Variants in CNIH2 observed in about 807,000 individuals in gnomAD.
The protein encoded by CNIH2 is cornichon family AMPA receptor auxiliary protein 2.
CNIH2 carries 8 observed loss-of-function variants against 22.9 expected under a neutral mutation model. The observed-to-expected ratio is 0.35, with a 90% CI of 0.20 to 0.63. The LOEUF is 0.63. Ranked by LOEUF, CNIH2 falls within the 30% of genes least tolerant of loss-of-function variation. The pLI, the probability that CNIH2 is intolerant of heterozygous loss-of-function variation, is 0.72. For synonymous variants in CNIH2, 74 were observed against 78.2 expected, an observed-to-expected ratio of 0.95 and a Z score of 0.28; for missense variants, 105 against 206.2, an observed-to-expected ratio of 0.51 and a Z score of 3.01.
At chr11:66,281,547 T>G (rs1857258570) in intron 1 of CNIH2, 1 of 443,352 alleles carries the variant, frequency 2.3e-6, no homozygotes, top group Non-Finnish European at 4.6e-6. Context: ...TACTCTTCAA[T>G]GCCTCCCCCC....
chr11:66,278,675 C>A, intron 1 of CNIH2, 138 bp downstream of exon 1: 1 of 456,986 alleles, frequency 2.2e-6, no homozygotes, highest in South Asian at 3.5e-5. Flanking sequence ...CGGCTTCGCC[C>A]CCATTAACAC....
chr11:66,278,267 C>A lies in CNIH2; in HGVS notation c.-190C>A, dbSNP rs1180920683. On this transcript the variant is annotated 5_prime_UTR_variant, in exon 1 of 6. Coordinates refer to ENST00000311445, the MANE Select transcript of CNIH2 (RefSeq NM_182553.3). ...GGGCCCGGGCAGCCGGCAGCGGACG[C>A]GCCCCCCGAGCCCACCGGCCCGCGC... 2 of 147,362 alleles carry A rather than the reference C, an allele frequency of 1.4e-5. No individual in the cohort carries two copies. The highest frequency in any genetic ancestry group is 3.9e-4 in the East Asian group (2 of 5,140). The allele number at this position is 147,362 out of a possible 1,614,324, so 9.1% of individuals were successfully genotyped here.
intron 1 of CNIH2, chr11:66,281,526 C>G: frequency 2.2e-6 from 1 of 456,024 alleles, no homozygotes; most frequent in Non-Finnish European, 4.4e-6. Flanking sequence ...CCACCCCACT[C>G]TGCTGCTGTG....
At chr11:66,282,638 C>G (rs1857278076) in intron 2 of CNIH2, 95 bp from the exon 3 acceptor site, 1 of 1,437,040 alleles carries the variant, frequency 7.0e-7, no homozygotes. Flanking sequence ...AGAGATCGCT[C>G]TGGCGCCCCC....
intron 1 of CNIH2, among the ~76,000 whole-genome samples, chr11:66,280,388 T>C (rs539824076): frequency 6.6e-6 from 1 of 152,358 alleles, no homozygotes; most frequent in East Asian, 1.9e-4. Flanking sequence ...GCCGGCAAAG[T>C]GGACCTGTGC....
In CNIH2 at chr11:66,282,996, T is replaced by C. The variant is rs377680648; in HGVS notation, c.199-39T>C. ...TGTCCCCTTGAAGGCTGGTCTGTCA[T>C]AGCACCAGGCCGCTGACCTCTCACC... On this transcript the variant is annotated intron_variant, in intron 3 of 5. Transcript: ENST00000311445. 5 of 1,561,720 alleles carry C rather than the reference T, an allele frequency of 3.2e-6. No individual in the cohort carries two copies. In the South Asian group the frequency reaches 3.3e-5, roughly 10 times the overall value.
intron 3 of CNIH2, 100 bp from the exon 4 acceptor site, chr11:66,282,935 C>T (rs1019471818): frequency 8.9e-6 from 12 of 1,355,452 alleles, no homozygotes; most frequent in East Asian, 4.6e-5. Flanking sequence ...CCAGAGGTCA[C>T]GGTGGGTGGG....
At position 66,278,413 on chromosome 11, in the gene CNIH2, GC is replaced by G. The variant is rs1298233594; in HGVS notation, c.-40del. The G allele has an allele frequency of 2.1e-6, 2 of 967,352 alleles. No individual in the cohort carries two copies. Among genetic ancestry groups the G allele is most frequent in the African/African-American group, 1.8e-5 (1 of 56,142 alleles). 59.9% of individuals were successfully genotyped at this position (967,352 alleles called of 1,614,324 possible). On this transcript the variant is annotated 5_prime_UTR_variant, in exon 1 of 6. Transcript: ENST00000311445. Reference sequence around the variant, plus strand: ...CCGGGGGGCGTCCCCTTGCGCCCGGGCCCCGCGCTGGCGCCCCCCGGGCCGC... The same window carrying G: ...CCGGGGGGCGTCCCCTTGCGCCCGGGCCCGCGCTGGCGCCCCCCGGGCCGC...
At chr11:66,282,897 G>A in intron 3 of CNIH2, 117 bp downstream of exon 3, 2 of 1,415,692 alleles carry the variant, frequency 1.4e-6, no homozygotes. Context: ...ACTTGGGAGG[G>A]AGTGGGAAGC....
intron 1 of CNIH2, among the ~76,000 whole-genome samples, chr11:66,280,008 G>A (rs1857235945): frequency 6.6e-6 from 1 of 152,254 alleles, no homozygotes; most frequent in African/African-American, 2.4e-5. Flanking sequence ...GGAATGCAGA[G>A]CTGACCAGCT....
chr11:66,278,402 C>A lies in CNIH2; in HGVS notation c.-55C>A. The stretch of plus-strand genomic sequence containing the variant: ...CTAAGCGCGGGCCGGGGGGCGTCCC[C>A]TTGCGCCCGGGCCCCGCGCTGGCGC... On this transcript the variant is annotated 5_prime_UTR_variant, in exon 1 of 6. Transcript: ENST00000311445. 1 of 819,954 alleles carries A rather than the reference C, an allele frequency of 1.2e-6. No individual in the cohort carries two copies. The highest frequency in any genetic ancestry group is 5.3e-5 in the South Asian group (1 of 18,954). 50.8% of individuals were successfully genotyped at this position (819,954 alleles called of 1,614,324 possible).
At chr11:66,279,932 T>G (rs1441323324) in intron 1 of CNIH2, among the ~76,000 whole-genome samples, 2 of 152,186 alleles carry the variant, frequency 1.3e-5, no homozygotes, top group African/African-American at 4.8e-5. Flanking sequence ...TATTTTTCTT[T>G]CTGTGGGGTA....
chr11:66,279,713 C>G (rs765731433), intron 1 of CNIH2, among the ~76,000 whole-genome samples: 13 of 152,098 alleles, frequency 8.5e-5, no homozygotes, highest in Non-Finnish European at 1.9e-4. Flanking sequence ...CCATGGTTCC[C>G]CCTGCGCTCC....
At chr11:66,281,234 G>C (rs924429555) in intron 1 of CNIH2, among the ~76,000 whole-genome samples, 1 of 152,146 alleles carries the variant, frequency 6.6e-6, no homozygotes, top group Non-Finnish European at 1.5e-5. Flanking sequence ...GTATGACACA[G>C]TGGTTAGGAA....
rs12800992 is a variant in CNIH2, at chr11:66,283,967, C to T, written c.*370C>T. 4.2e-6 allele frequency: 1 copy of T among 239,302 alleles called. No homozygotes were observed. Among genetic ancestry groups the T allele is most frequent in the Non-Finnish European group, 8.3e-6 (1 of 119,764 alleles). 14.8% of individuals were successfully genotyped at this position (239,302 alleles called of 1,614,324 possible). A position where few individuals can be genotyped will look rare whatever the true frequency, so the allele number is the denominator to read the frequency against. On this transcript the variant is annotated 3_prime_UTR_variant, in exon 6 of 6. Transcript: ENST00000311445. ...TGGGCCATCCCCCTCCACCCCCACC[C>T]TGAGGCTCCCCCTGCAGGTGGGGGG...
chr11:66,281,687 G>A (rs1436481980), intron 1 of CNIH2: 5 of 352,710 alleles, frequency 1.4e-5, no homozygotes, highest in Admixed American at 3.8e-5. Context: ...GCGCTGTCAC[G>A]CCAGCCCCAT....
chr11:66,281,830 C>T (rs993804436), intron 1 of CNIH2, among the ~76,000 whole-genome samples: 29 of 152,114 alleles, frequency 1.9e-4, no homozygotes, highest in African/African-American at 6.7e-4. Flanking sequence ...CCTCACCCCC[C>T]ACACAGGGTT....
At position 66,284,076 on chromosome 11, in the gene CNIH2, C is replaced by G. The variant is rs1436183251; in HGVS notation, c.*479C>G. The G allele has an allele frequency of 1.1e-5, 2 of 184,056 alleles. No individual in the cohort carries two copies. 11.4% of individuals were successfully genotyped at this position (184,056 alleles called of 1,614,324 possible). The stretch of plus-strand genomic sequence containing the variant: ...CTCCCCTCTCCCCCAGGCTCTTTCT[C>G]CAGCCCTGTCTCCATCTGCCCCAAC... On this transcript the variant is annotated 3_prime_UTR_variant, in exon 6 of 6. Transcript: ENST00000311445.
chr11:66,279,719 G>A (rs188649598), intron 1 of CNIH2, among the ~76,000 whole-genome samples: 3 of 151,836 alleles, frequency 2.0e-5, no homozygotes, highest in East Asian at 1.9e-4. Context: ...TTCCCCCTGC[G>A]CTCCCTTTGC....
Sources: allele counts gnomAD v4.1 joint callset (sites outside exome capture counted in the v4.1 genomes callset), GRCh38; gene constraint gnomAD v4.1.1; transcripts MANE v1.5; gene names NCBI Gene and HGNC (gene_info 2026-07-23, HGNC 2026-07-21).